The following ASTN1 variants were observed in gnomAD, a reference collection of about 807,000 sequenced individuals.
The protein encoded by ASTN1 is astrotactin-1.
In ASTN1, 41 loss-of-function variants were observed where a neutral mutation model predicts 140.7. That is an observed-to-expected ratio of 0.29 (90% CI 0.23 to 0.38). ASTN1 has a LOEUF of 0.38. Among genes scored for constraint, ASTN1 ranks in the 10% least tolerant of loss-of-function variants. The probability of loss-of-function intolerance (pLI) is 1.00; values close to 1 mark genes in which losing one functional copy is unlikely to be tolerated. For missense variants in ASTN1, 1,479 were observed against 1,678.8 expected, an observed-to-expected ratio of 0.88 and a Z score of 2.08; for synonymous variants, 640 against 652.2, an observed-to-expected ratio of 0.98 and a Z score of 0.29.
chr1:176,912,309 G>A (rs1557954296), intron 16 of ASTN1, among the ~76,000 whole-genome samples: 1 of 152,144 alleles, frequency 6.6e-6, no homozygotes, highest in Non-Finnish European at 1.5e-5. Flanking sequence ...ACAGCTATGG[G>A]TATTATGTAA....
intron 21 of ASTN1, among the ~76,000 whole-genome samples, chr1:176,872,813 C>T (rs575240740): frequency 5.9e-5 from 9 of 152,148 alleles, no homozygotes; most frequent in Admixed American, 2.6e-4. Flanking sequence ...GATTTCTGCA[C>T]GACTTTCTCC....
At chr1:177,021,628 G>A (rs1290219111) in intron 7 of ASTN1, among the ~76,000 whole-genome samples, 1 of 152,290 alleles carries the variant, frequency 6.6e-6, no homozygotes, top group East Asian at 1.9e-4. Flanking sequence ...TGAATGTAAA[G>A]CATAGAGGCA....
intron 7 of ASTN1, among the ~76,000 whole-genome samples, chr1:177,017,196 C>T (rs557280907): frequency 1.3e-5 from 2 of 152,172 alleles, no homozygotes; most frequent in East Asian, 1.9e-4. Flanking sequence ...ATGAGGCTTC[C>T]GTCACTCATT....
chr1:176,885,421 G>C (rs182107219), intron 18 of ASTN1, among the ~76,000 whole-genome samples: 1 of 152,106 alleles, frequency 6.6e-6, no homozygotes, highest in Non-Finnish European at 1.5e-5. Context: ...CTGATTTCTT[G>C]TATGTGCCTC....
chr1:176,895,623 C>T (rs1236755072), intron 16 of ASTN1, among the ~76,000 whole-genome samples: 1 of 152,182 alleles, frequency 6.6e-6, no homozygotes, highest in Non-Finnish European at 1.5e-5. Context: ...AGAGATGGGT[C>T]CACATCAATT....
chr1:176,998,808 C>T (rs578069600), intron 8 of ASTN1, among the ~76,000 whole-genome samples: 13 of 152,302 alleles, frequency 8.5e-5, no homozygotes, highest in African/African-American at 2.6e-4. Flanking sequence ...GCCTTCTGTG[C>T]CAGGCGGCAC....
At chr1:177,134,833 A>C (rs1682108958) in intron 1 of ASTN1, among the ~76,000 whole-genome samples, 1 of 152,162 alleles carries the variant, frequency 6.6e-6, no homozygotes, top group Admixed American at 6.5e-5. Flanking sequence ...TTTTCAGATA[A>C]GTTTTGAGAA....
chr1:176,936,974 G>C (rs1398586048), intron 14 of ASTN1, among the ~76,000 whole-genome samples: 1 of 152,130 alleles, frequency 6.6e-6, no homozygotes, highest in Non-Finnish European at 1.5e-5. Flanking sequence ...AAATAAAATT[G>C]GGGGCGTAAA....
At chr1:176,924,447 A>T (rs1038676940) in intron 16 of ASTN1, among the ~76,000 whole-genome samples, 1 of 152,102 alleles carries the variant, frequency 6.6e-6, no homozygotes, top group African/African-American at 2.4e-5. Flanking sequence ...CCTTCAGTCA[A>T]CCTCTGGTAC....
chr1:176,948,111 G>T (rs765145212), intron 12 of ASTN1, among the ~76,000 whole-genome samples: 8 of 152,146 alleles, frequency 5.3e-5, no homozygotes, highest in Non-Finnish European at 1.0e-4. Flanking sequence ...GCAGGCACTG[G>T]CTTTGGGCAA....
At chr1:177,093,268 A>G (rs1679855532) in intron 1 of ASTN1, among the ~76,000 whole-genome samples, 1 of 152,208 alleles carries the variant, frequency 6.6e-6, no homozygotes, top group South Asian at 2.1e-4. Context: ...CTAGAAAGCT[A>G]GTGCAGAAGG....
chr1:177,049,551 C>T (rs1677430762), intron 2 of ASTN1, among the ~76,000 whole-genome samples: 1 of 152,144 alleles, frequency 6.6e-6, no homozygotes, highest in South Asian at 2.1e-4. Context: ...CAAACTGAGG[C>T]TCAGGAAGGT....
intron 1 of ASTN1, among the ~76,000 whole-genome samples, chr1:177,140,638 T>C (rs1392021667): frequency 6.6e-6 from 1 of 152,212 alleles, no homozygotes; most frequent in Non-Finnish European, 1.5e-5. Context: ...TTGCAATCAT[T>C]CCTTACTATC....
chr1:176,907,495 A>G (rs1392435200), intron 16 of ASTN1, among the ~76,000 whole-genome samples: 1 of 152,208 alleles, frequency 6.6e-6, no homozygotes, highest in Non-Finnish European at 1.5e-5. Flanking sequence ...CAAGTAACCA[A>G]AAGTATTACT....
chr1:176,944,326 CAT>C (rs925732581), intron 13 of ASTN1, among the ~76,000 whole-genome samples: 1 of 152,188 alleles, frequency 6.6e-6, no homozygotes, highest in African/African-American at 2.4e-5. Context: ...GTGGCACAAT[CAT>C]AGCTCACTAC....
At chr1:176,964,328 C>T (rs1318800673) in intron 9 of ASTN1, among the ~76,000 whole-genome samples, 1 of 152,144 alleles carries the variant, frequency 6.6e-6, no homozygotes. Flanking sequence ...TACTCACTTC[C>T]TCTACTAGAG....
intron 16 of ASTN1, among the ~76,000 whole-genome samples, chr1:176,910,015 C>G (rs1228979988): frequency 1.3e-5 from 2 of 152,174 alleles, no homozygotes; most frequent in Non-Finnish European, 2.9e-5. Context: ...GAATGCCTGC[C>G]TCTGCATGTA....
intron 16 of ASTN1, among the ~76,000 whole-genome samples, chr1:176,921,469 C>G (rs1557961241): frequency 6.6e-6 from 1 of 152,156 alleles, no homozygotes; most frequent in Non-Finnish European, 1.5e-5. Context: ...TACATACTCC[C>G]TCACCTTCTG....
At chr1:176,943,412 G>A (rs1034528637) in intron 14 of ASTN1, among the ~76,000 whole-genome samples, 2 of 152,134 alleles carry the variant, frequency 1.3e-5, no homozygotes, top group Non-Finnish European at 2.9e-5. Context: ...TTGTCTAATG[G>A]CACACAGCTA....
Sources: gnomAD v4.1 joint callset for allele counts (sites outside exome capture counted in the v4.1 genomes callset) on GRCh38, gnomAD v4.1.1 for gene constraint, MANE v1.5 for transcripts, NCBI Gene and HGNC (gene_info 2026-07-23, HGNC 2026-07-21) for gene names.